Variants in RNF6 observed in about 807,000 individuals in gnomAD.
The protein encoded by RNF6 is E3 ubiquitin-protein ligase RNF6.
In RNF6, 21 loss-of-function variants were observed where a neutral mutation model predicts 50.1. The ratio of observed to expected loss-of-function variants is 0.42; its 90% CI spans 0.30 to 0.60. The LOEUF is 0.60. Among genes scored for constraint, RNF6 ranks in the 20% least tolerant of loss-of-function variants. The pLI is 0.20. For missense variants in RNF6, 698 were observed against 838.2 expected, an observed-to-expected ratio of 0.83 and a Z score of 2.07; for synonymous variants, 255 against 291.8, an observed-to-expected ratio of 0.87 and a Z score of 1.29.
At chr13:26,198,704 C>A (rs544161837) in intron 5 of RNF6, among the ~76,000 whole-genome samples, 3 of 151,868 alleles carry the variant, frequency 2.0e-5, no homozygotes, top group Non-Finnish European at 4.4e-5. Context: ...GCAAAAGTAT[C>A]TTGATTTGCA....
intron 5 of RNF6, among the ~76,000 whole-genome samples, chr13:26,146,054 G>A (rs925236551): frequency 6.6e-6 from 1 of 152,278 alleles, no homozygotes; most frequent in African/African-American, 2.4e-5. Flanking sequence ...GACATTTTGG[G>A]TCATCTGGAA....
intron 5 of RNF6, among the ~76,000 whole-genome samples, chr13:26,144,381 AT>A (rs34266191): frequency 0.059 from 8,904 of 150,290 alleles, 509 homozygotes; most frequent in African/African-American, 0.15. Flanking sequence ...AAATATCTTC[AT>A]TTTTTTTTTT....
At chr13:26,143,848 G>A (rs1395551543) in intron 5 of RNF6, among the ~76,000 whole-genome samples, 1 of 152,206 alleles carries the variant, frequency 6.6e-6, no homozygotes, top group African/African-American at 2.4e-5. Flanking sequence ...TCACTGTGAA[G>A]TAAGTTCCTT....
intron 3 of RNF6, 30 bp downstream of exon 3, chr13:26,219,427 A>AG: frequency 6.7e-7 from 1 of 1,500,802 alleles, no homozygotes. Flanking sequence ...TGATGAAAAA[A>AG]GGGTGTTTCC....
chr13:26,219,162 T>A (rs749511190), intron 3 of RNF6: 10 of 217,478 alleles, frequency 4.6e-5, no homozygotes, highest in Non-Finnish European at 8.0e-5. Flanking sequence ...TTTATTTGTA[T>A]AAAAATTACA....
chr13:26,159,385 G>A (rs1393901671), intron 5 of RNF6, among the ~76,000 whole-genome samples: 1 of 152,108 alleles, frequency 6.6e-6, no homozygotes, highest in Non-Finnish European at 1.5e-5. Flanking sequence ...AGCACTTTGG[G>A]AGGCTGAGGC....
chr13:26,214,718 T>C lies in RNF6; in HGVS notation c.1164A>G (p.Ser388=), dbSNP rs750539603. ...VEEGEESSRS[S]TAVRRHPTIT... is the part of the protein sequence containing the mutation. ...TTGTTGGATGTCGTCGTACAGCAGTTGAGGATCTGCTGGATTCTTCTCCTT... is the reference window on the plus strand; with the variant it reads ...TTGTTGGATGTCGTCGTACAGCAGTCGAGGATCTGCTGGATTCTTCTCCTT... Residue 388 remains serine, a synonymous_variant, in exon 5 of 5, where the codon TCA becomes TCG. Transcript: ENST00000381588. 6.8e-6 allele frequency: 11 copies of C among 1,614,136 alleles called. No individual in the cohort carries two copies. The highest frequency in any genetic ancestry group is 9.3e-6 in the Non-Finnish European group (11 of 1,180,048).
At chr13:26,148,861 A>C (rs1383252747) in intron 5 of RNF6, among the ~76,000 whole-genome samples, 1 of 151,276 alleles carries the variant, frequency 6.6e-6, no homozygotes, top group Non-Finnish European at 1.5e-5. Flanking sequence ...TGCAGGGAAA[A>C]CCAATGCTTC....
rs559410731 is a variant in RNF6, at chr13:26,205,318, C to T, written n.768+10156G>A. On this transcript the variant is annotated intron_variant and non_coding_transcript_variant, in intron 5 of 5. Transcript: ENST00000468480. Reference sequence around the variant, plus strand: ...CTATTTTGCCTTGTTTCTAACCAGCCACATGACCTTGAATAAATTATTTAA... The same window carrying T: ...CTATTTTGCCTTGTTTCTAACCAGCTACATGACCTTGAATAAATTATTTAA... 7.9e-5 allele frequency among the ~76,000 whole-genome samples: 12 copies of T among 152,236 alleles called. No homozygotes were observed. The East Asian group carries it at 1.9e-3, about 24-fold the overall frequency.
At chr13:26,219,017 T>C (rs143053275) in intron 3 of RNF6, among the ~76,000 whole-genome samples, 13 of 152,244 alleles carry the variant, frequency 8.5e-5, no homozygotes, top group African/African-American at 2.9e-4. Flanking sequence ...ACACAATATA[T>C]AAACATACAA....
rs1869708903 is a variant in RNF6 at position 26,215,009 on chromosome 13, C to T, written c.873G>A (p.Val291=). The stretch of plus-strand genomic sequence containing the variant: ...GCTCTAATCTTTGGTTTGTATTCCT[C>T]ACTGTAACATTACTTCTAGCCCCAT... ...WENGARSNVT[V]RNTNQRLEPI... The change falls in exon 5 of 5, where the codon GTG becomes GTA. Residue 291 remains valine (V), a synonymous_variant. Transcript: ENST00000381588. 3.7e-6 allele frequency: 6 copies of T among 1,614,196 alleles called. No individual in the cohort carries two copies. The East Asian group carries it at 1.3e-4, about 36-fold the overall frequency.
intron 5 of RNF6, among the ~76,000 whole-genome samples, chr13:26,180,206 A>G (rs534617276): frequency 4.0e-4 from 61 of 152,268 alleles, no homozygotes; most frequent in African/African-American, 1.5e-3. Context: ...CTCTACCACA[A>G]TCAAAGACAG....
intron 5 of RNF6, among the ~76,000 whole-genome samples, chr13:26,198,132 A>G (rs149982352): frequency 0.11 from 279 of 2,628 alleles, 6 homozygotes; most frequent in East Asian, 0.25. Flanking sequence ...GTGTGTGTAT[A>G]TATATATATA....
intron 5 of RNF6, among the ~76,000 whole-genome samples, chr13:26,186,333 G>T (rs913003409): frequency 1.3e-5 from 2 of 152,256 alleles, no homozygotes. Flanking sequence ...TAAAAACCCA[G>T]ACCGGGAGGC....
rs1223928461 is a variant in RNF6 at position 26,213,264 on chromosome 13, A to C, written c.*560T>G. The C allele has an allele frequency of 1.3e-5, 2 of 152,664 alleles. No homozygotes were observed. The highest frequency in any genetic ancestry group is 4.8e-5 in the African/African-American group (2 of 41,468). The allele number at this position is 152,664 out of a possible 1,614,324, so 9.5% of individuals were successfully genotyped here. On this transcript the variant is annotated 3_prime_UTR_variant, in exon 5 of 5. Transcript: ENST00000381588. ...AAGCTTAAATAAGAACCAAACTTGTAGACTGAATATTTTAACCTTAAAATT... is the reference window on the plus strand; with the variant it reads ...AAGCTTAAATAAGAACCAAACTTGTCGACTGAATATTTTAACCTTAAAATT...
At chr13:26,209,123 G>T (rs2137726113), downstream of RNF6, among the ~76,000 whole-genome samples, 1 of 152,288 alleles carries the variant, frequency 6.6e-6, no homozygotes, top group South Asian at 2.1e-4. Context: ...AAAGTCCCTA[G>T]CCTGCTGTAT....
intron 5 of RNF6, among the ~76,000 whole-genome samples, chr13:26,173,759 T>C (rs1019795714): frequency 3.3e-5 from 5 of 152,030 alleles, no homozygotes; most frequent in Non-Finnish European, 7.4e-5. Context: ...GAGACCATCC[T>C]GGCCAACATG....
chr13:26,163,526 A>C (rs1174928110), intron 5 of RNF6, among the ~76,000 whole-genome samples: 1 of 152,226 alleles, frequency 6.6e-6, no homozygotes, highest in Non-Finnish European at 1.5e-5. Context: ...TTTACATCTA[A>C]GAATGAAGAT....
intron 5 of RNF6, among the ~76,000 whole-genome samples, chr13:26,132,905 T>C (rs1182030369): frequency 6.6e-6 from 1 of 152,144 alleles, no homozygotes; most frequent in African/African-American, 2.4e-5. Flanking sequence ...ACAGGGTTTT[T>C]TCTTTGGTGG....
Sources: gnomAD v4.1 joint callset for allele counts (sites outside exome capture counted in the v4.1 genomes callset) on GRCh38, gnomAD v4.1.1 for gene constraint, MANE v1.5 for transcripts, NCBI Gene and HGNC (gene_info 2026-07-23, HGNC 2026-07-21) for gene names.